Variants in DYNC1I1 observed in about 807,000 individuals in gnomAD.
DYNC1I1 encodes dynein cytoplasmic 1 intermediate chain 1, also known as cytoplasmic dynein 1 intermediate chain 1.
In DYNC1I1, 43 loss-of-function variants were observed where a neutral mutation model predicts 86.6. That is an observed-to-expected ratio of 0.50 (90% CI 0.39 to 0.64). The LOEUF (loss-of-function observed/expected upper bound fraction) is 0.64, where lower values mean the gene tolerates loss of function less well. DYNC1I1 is among the 30% of genes least tolerant of loss of function. The pLI is 0.00. For missense variants in DYNC1I1, 604 were observed against 788.8 expected, an observed-to-expected ratio of 0.77 and a Z score of 2.81; for synonymous variants, 262 against 283.7, an observed-to-expected ratio of 0.92 and a Z score of 0.77.
At chr7:95,843,645 T>C (rs1428201747) in intron 5 of DYNC1I1, among the ~76,000 whole-genome samples, 2 of 152,136 alleles carry the variant, frequency 1.3e-5, no homozygotes, top group Admixed American at 1.3e-4. Flanking sequence ...ATGTTAACTA[T>C]GTGATTAGCA....
intron 6 of DYNC1I1, among the ~76,000 whole-genome samples, chr7:95,953,507 G>A (rs1792616905): frequency 6.6e-6 from 1 of 152,140 alleles, no homozygotes; most frequent in African/African-American, 2.4e-5. Context: ...TTTCAAAACA[G>A]ATCAGACATT....
chr7:96,104,632 T>C (rs566156828), intron 16 of DYNC1I1, among the ~76,000 whole-genome samples: 2 of 152,256 alleles, frequency 1.3e-5, no homozygotes, highest in East Asian at 3.9e-4. Context: ...TTATTTTCTT[T>C]TTGTTCATTA....
intron 14 of DYNC1I1, among the ~76,000 whole-genome samples, chr7:96,040,827 T>G (rs185800119): frequency 2.7e-3 from 408 of 152,080 alleles, no homozygotes; most frequent in African/African-American, 9.1e-3. Context: ...GTGCAAGTGA[T>G]TCTCCTGCCT....
intron 6 of DYNC1I1, among the ~76,000 whole-genome samples, chr7:95,871,266 A>G (rs1311014684): frequency 6.6e-6 from 1 of 152,222 alleles, no homozygotes; most frequent in Non-Finnish European, 1.5e-5. Flanking sequence ...GAAGCAAACA[A>G]GTAGCACCCT....
intron 1 of DYNC1I1, among the ~76,000 whole-genome samples, chr7:95,786,132 G>A (rs1794139107): frequency 2.0e-5 from 3 of 151,932 alleles, no homozygotes; most frequent in Non-Finnish European, 4.4e-5. Context: ...CAGGACCAAA[G>A]GGCAGAAAAA....
chr7:96,019,102 T>A (rs1021588888), intron 10 of DYNC1I1, among the ~76,000 whole-genome samples: 1 of 152,166 alleles, frequency 6.6e-6, no homozygotes, highest in African/African-American at 2.4e-5. Flanking sequence ...TACAACATGA[T>A]GATTTGTTTG....
intron 1 of DYNC1I1, chr7:95,804,149 G>A (rs754801206): frequency 8.7e-5 from 17 of 194,518 alleles, no homozygotes; most frequent in East Asian, 6.2e-4. Flanking sequence ...GAGTTTTACC[G>A]AGAAAGAAGA....
intron 6 of DYNC1I1, among the ~76,000 whole-genome samples, chr7:95,931,440 C>T (rs898954175): frequency 2.0e-5 from 3 of 152,180 alleles, no homozygotes; most frequent in Admixed American, 6.5e-5. Context: ...TGAGCCACTG[C>T]GCCCGGCCTA....
At chr7:95,934,273 A>AGG (rs1443593906) in intron 6 of DYNC1I1, among the ~76,000 whole-genome samples, 15 of 152,148 alleles carry the variant, frequency 9.9e-5, no homozygotes, top group Non-Finnish European at 2.1e-4. Context: ...TCTAGGGTAT[A>AGG]CCGGTACACT....
At chr7:96,007,437 G>A (rs775351150) in intron 10 of DYNC1I1, among the ~76,000 whole-genome samples, 28 of 152,118 alleles carry the variant, frequency 1.8e-4, no homozygotes, top group Non-Finnish European at 3.1e-4. Flanking sequence ...AAGCAAGGGA[G>A]GACAGAAATG....
rs771029318 is a variant in DYNC1I1 at position 95,987,174 on chromosome 7, C to T, written c.843+19C>T. The T allele has an allele frequency of 2.5e-6, 4 of 1,583,142 alleles. No homozygotes were observed. The highest frequency in any genetic ancestry group is 1.1e-5 in the South Asian group (1 of 88,996). On this transcript the variant is annotated intron_variant, in intron 9 of 16. Transcript: ENST00000447467. ...CCTCCAGGTAAGAATTATTGCTGGG[C>T]TGGGACAAACTGGGCTTGTGTTCTC...
intron 14 of DYNC1I1, among the ~76,000 whole-genome samples, chr7:96,070,542 T>C (rs978836401): frequency 1.1e-4 from 16 of 152,182 alleles, no homozygotes; most frequent in Non-Finnish European, 1.9e-4. Flanking sequence ...TAAGGTAAGA[T>C]TCCATGAGTT....
In DYNC1I1 at chr7:96,095,908, A is replaced by C. The variant is rs187097337; in HGVS notation, c.1777-1575A>C. 9.2e-5 allele frequency among the ~76,000 whole-genome samples: 14 copies of C among 152,284 alleles called. No individual in the cohort carries two copies. The East Asian group carries it at 2.3e-3, about 25-fold the overall frequency. On this transcript the variant is annotated intron_variant, in intron 16 of 16. Transcript: ENST00000447467. ...ACAGACTGAGCAAAAGGGTATCAGAATCATTCAAGACTATTGTGAACTTGT... is the reference window on the plus strand; with the variant it reads ...ACAGACTGAGCAAAAGGGTATCAGACTCATTCAAGACTATTGTGAACTTGT...
At chr7:96,077,738 T>C (rs896770190) in intron 15 of DYNC1I1, among the ~76,000 whole-genome samples, 17 of 152,314 alleles carry the variant, frequency 1.1e-4, no homozygotes, top group Middle Eastern at 6.8e-3. Flanking sequence ...CCAACTACAA[T>C]GCATATGAAG....
At chr7:96,048,931 G>A (rs1205194534) in intron 14 of DYNC1I1, among the ~76,000 whole-genome samples, 2 of 152,098 alleles carry the variant, frequency 1.3e-5, no homozygotes, top group Admixed American at 6.6e-5. Flanking sequence ...CTCTATGAGC[G>A]TAAAATTTAA....
chr7:96,054,998 T>A (rs565857266), intron 14 of DYNC1I1, among the ~76,000 whole-genome samples: 1 of 152,328 alleles, frequency 6.6e-6, no homozygotes, highest in South Asian at 2.1e-4. Context: ...TTTTGGCTTT[T>A]GTTGCCATTG....
intron 14 of DYNC1I1, among the ~76,000 whole-genome samples, chr7:96,051,307 G>A (rs1158105756): frequency 6.6e-6 from 1 of 152,072 alleles, no homozygotes; most frequent in Non-Finnish European, 1.5e-5. Context: ...ACTTCAATGG[G>A]CTTATGTTTC....
At position 96,087,658 on chromosome 7, in the gene DYNC1I1, T is replaced by A. The variant is rs144952334; in HGVS notation, c.1776+7170T>A. On this transcript the variant is annotated intron_variant, in intron 16 of 16. Transcript: ENST00000447467. ...AGTGATACCAAACATCCAGATAAAATGTGAAAATCCAAATACCTGGTTCTG... is the reference window on the plus strand; with the variant it reads ...AGTGATACCAAACATCCAGATAAAAAGTGAAAATCCAAATACCTGGTTCTG... Among the ~76,000 whole-genome samples the A allele has an allele frequency of 2.4e-3, 360 of 152,302 alleles. 3 individuals are homozygous for A. Among genetic ancestry groups the A allele is most frequent in the African/African-American group, 8.4e-3 (351 of 41,570 alleles).
intron 10 of DYNC1I1, among the ~76,000 whole-genome samples, chr7:96,017,818 G>A (rs1044726989): frequency 2.0e-5 from 3 of 152,056 alleles, no homozygotes; most frequent in African/African-American, 7.2e-5. Flanking sequence ...TTTTCCTTTG[G>A]TTATATAGTG....
Sources: gnomAD v4.1 joint callset for allele counts (sites outside exome capture counted in the v4.1 genomes callset) on GRCh38, gnomAD v4.1.1 for gene constraint, MANE v1.5 for transcripts, NCBI Gene and HGNC (gene_info 2026-07-23, HGNC 2026-07-21) for gene names.